Variants in SGCD observed in about 807,000 individuals in gnomAD.
SGCD encodes the protein delta-sarcoglycan.
A neutral mutation model predicts 36.6 loss-of-function variants in SGCD; 18 were observed. The observed-to-expected ratio is 0.49, with a 90% CI of 0.34 to 0.73. The LOEUF is 0.73. Ranked by LOEUF, SGCD falls within the 30% of genes least tolerant of loss-of-function variation. The pLI is 0.01. For synonymous variants in SGCD, 133 were observed against 130.6 expected (o/e 1.02, Z -0.12); for missense variants, 387 against 346.7 (o/e 1.12, Z -0.92).
At chr5:156,108,205 T>C (rs1243899130) in intron 1 of SGCD, among the ~76,000 whole-genome samples, 1 of 152,138 alleles carries the variant, frequency 6.6e-6, no homozygotes, top group Non-Finnish European at 1.5e-5. Flanking sequence ...TAAACATTAA[T>C]GTTTAATTTT....
chr5:156,180,013 G>A lies in SGCD; in HGVS notation c.-44+55994G>A, dbSNP rs190094610. ...TATATTCTTCAGAGATGTGGTGATG[G>A]AAATATTTATAGTATTTTACTTGGA... On this transcript the variant is annotated intron_variant, in intron 3 of 9. Transcript: ENST00000517913. 2.0e-5 allele frequency among the ~76,000 whole-genome samples: 3 copies of A among 152,258 alleles called. No homozygotes were observed. The East Asian group carries it at 5.8e-4, about 29-fold the overall frequency.
intron 3 of SGCD, among the ~76,000 whole-genome samples, chr5:156,360,096 A>G (rs967035558): frequency 2.6e-5 from 4 of 152,140 alleles, no homozygotes; most frequent in African/African-American, 9.7e-5. Flanking sequence ...CTGAAACCCC[A>G]CCTCCAAGCT....
At chr5:156,017,300 T>C (rs1288507282) in intron 1 of SGCD, among the ~76,000 whole-genome samples, 1 of 152,170 alleles carries the variant, frequency 6.6e-6, no homozygotes, top group African/African-American at 2.4e-5. Flanking sequence ...GCTTTGTTTA[T>C]ATAGTGTTTT....
chr5:156,283,687 C>T (rs1012673754), intron 3 of SGCD, among the ~76,000 whole-genome samples: 1 of 152,278 alleles, frequency 6.6e-6, no homozygotes, highest in African/African-American at 2.4e-5. Flanking sequence ...ACCAAAATCA[C>T]CTGCAAGACT....
rs192701876 is a variant in SGCD at position 156,406,633 on chromosome 5, A to G, written c.192+61956A>G. Among the ~76,000 whole-genome samples, 8 of 151,756 alleles carry G rather than the reference A, an allele frequency of 5.3e-5. No individual in the cohort carries two copies. In the East Asian group the frequency reaches 1.6e-3, roughly 30 times the overall value. On this transcript the variant is annotated intron_variant, in intron 3 of 8. Transcript: ENST00000337851. ...AAAGCACTTAGAGTGTTTTCCCTGC[A>G]GTAATCATTTTATACAAGTTCTCTT...
chr5:156,656,228 A>T (rs990154744), intron 7 of SGCD, among the ~76,000 whole-genome samples: 6 of 152,196 alleles, frequency 3.9e-5, no homozygotes, highest in African/African-American at 1.4e-4. Context: ...AGTAATTTTT[A>T]AAAACCCACT....
intron 3 of SGCD, among the ~76,000 whole-genome samples, chr5:156,386,428 G>A (rs1771281474): frequency 6.6e-6 from 1 of 152,180 alleles, no homozygotes; most frequent in Non-Finnish European, 1.5e-5. Flanking sequence ...AATACATGTG[G>A]CCAAGGGTTA....
chr5:155,854,128 C>T, the SGCD span, among the ~76,000 whole-genome samples: 50 of 152,202 alleles, frequency 3.3e-4, no homozygotes, highest in African/African-American at 1.1e-3. Flanking sequence ...GGCATTATAA[C>T]ATAGACTGTA....
chr5:155,995,092 T>C (rs763806400), intron 1 of SGCD, among the ~76,000 whole-genome samples: 23 of 152,112 alleles, frequency 1.5e-4, no homozygotes, highest in Non-Finnish European at 2.2e-4. Flanking sequence ...GGTACACACA[T>C]TGGCAGGACT....
At chr5:156,422,633 T>A (rs1255120141) in intron 3 of SGCD, among the ~76,000 whole-genome samples, 2 of 151,978 alleles carry the variant, frequency 1.3e-5, no homozygotes, top group African/African-American at 4.8e-5. Flanking sequence ...TCAGTTTCCT[T>A]ATATATAAAG....
At chr5:156,567,986 T>A in intron 4 of SGCD, among the ~76,000 whole-genome samples, 1 of 152,332 alleles carries the variant, frequency 6.6e-6, no homozygotes, top group African/African-American at 2.4e-5. Flanking sequence ...TATTACCCTG[T>A]AAGTTAGGTT....
At chr5:156,374,354 G>A (rs1162730887) in intron 3 of SGCD, among the ~76,000 whole-genome samples, 1 of 152,076 alleles carries the variant, frequency 6.6e-6, no homozygotes, top group Non-Finnish European at 1.5e-5. Flanking sequence ...AAAGTAACAC[G>A]TGACCAACTA....
At chr5:156,215,808 AT>A (rs1202965222) in intron 3 of SGCD, among the ~76,000 whole-genome samples, 2 of 152,142 alleles carry the variant, frequency 1.3e-5, no homozygotes, top group African/African-American at 4.8e-5. Context: ...CAGATCTACC[AT>A]GTGATCCACC....
chr5:156,172,145 A>G (rs1325306776), intron 3 of SGCD, among the ~76,000 whole-genome samples: 1 of 152,246 alleles, frequency 6.6e-6, no homozygotes, highest in East Asian at 1.9e-4. Context: ...CTAGCTGGGC[A>G]TGGTGGCAGA....
chr5:156,329,712 C>CT, intron 2 of SGCD, 133 bp downstream of exon 2: 2 of 872,258 alleles, frequency 2.3e-6, no homozygotes, highest in Non-Finnish European at 3.5e-6. Context: ...TTTAATTTTA[C>CT]TTTTTTATTT....
At chr5:156,183,529 T>C (rs1581153149) in intron 3 of SGCD, among the ~76,000 whole-genome samples, 2 of 152,154 alleles carry the variant, frequency 1.3e-5, no homozygotes, top group African/African-American at 4.8e-5. Flanking sequence ...TGCCTCAGCC[T>C]CCCAAGTAGC....
chr5:156,328,935 A>C (rs1767937603), intron 1 of SGCD, among the ~76,000 whole-genome samples: 1 of 152,120 alleles, frequency 6.6e-6, no homozygotes, highest in South Asian at 2.1e-4. Context: ...GCCAATGAAA[A>C]AGGGAGCCTT....
chr5:156,375,615 T>A (rs1770620752), intron 3 of SGCD, among the ~76,000 whole-genome samples: 1 of 152,120 alleles, frequency 6.6e-6, no homozygotes, highest in African/African-American at 2.4e-5. Flanking sequence ...CCGTGGAAAA[T>A]AAAGATGTTT....
At chr5:156,641,533 G>A (rs1037062267) in intron 6 of SGCD, among the ~76,000 whole-genome samples, 2 of 152,158 alleles carry the variant, frequency 1.3e-5, no homozygotes, top group Non-Finnish European at 2.9e-5. Flanking sequence ...CATTGTCATG[G>A]TTCTTGCTCC....
Sources: gnomAD v4.1 joint callset for allele counts (sites outside exome capture counted in the v4.1 genomes callset) on GRCh38, gnomAD v4.1.1 for gene constraint, MANE v1.5 for transcripts, NCBI Gene and HGNC (gene_info 2026-07-23, HGNC 2026-07-21) for gene names.